The following OXR1 variants were observed in gnomAD, a reference collection of about 807,000 sequenced individuals.
OXR1 encodes the protein oxidation resistance 1.
In OXR1, 41 loss-of-function variants were observed where a neutral mutation model predicts 104.6. The observed-to-expected ratio is 0.39, with a 90% CI of 0.31 to 0.51. The LOEUF (loss-of-function observed/expected upper bound fraction) is 0.51, where lower values mean the gene tolerates loss of function less well. Among genes scored for constraint, OXR1 ranks in the 20% least tolerant of loss-of-function variants. OXR1 has a pLI of 0.77. For missense variants in OXR1, 955 were observed against 1,031.9 expected, an observed-to-expected ratio of 0.93 and a Z score of 1.02; for synonymous variants, 348 against 348.4, an observed-to-expected ratio of 1.00 and a Z score of 0.01.
chr8:106,412,760 T>A (rs1180751874), intron 2 of OXR1, among the ~76,000 whole-genome samples: 1 of 152,162 alleles, frequency 6.6e-6, no homozygotes, highest in Non-Finnish European at 1.5e-5. Flanking sequence ...TCTCTTCTGG[T>A]AGTTTTCTAT....
intron 3 of OXR1, among the ~76,000 whole-genome samples, chr8:106,618,444 A>G (rs912247371): frequency 6.6e-6 from 1 of 152,206 alleles, no homozygotes; most frequent in Non-Finnish European, 1.5e-5. Flanking sequence ...ATGTGTGTAA[A>G]TTATTTCTCT....
At chr8:106,579,298 A>T (rs1200861935) in intron 3 of OXR1, among the ~76,000 whole-genome samples, 1 of 152,030 alleles carries the variant, frequency 6.6e-6, no homozygotes, top group Non-Finnish European at 1.5e-5. Context: ...TGACATTCGA[A>T]ACTCCTGATC....
chr8:106,475,735 A>G (rs1821768247), intron 2 of OXR1, among the ~76,000 whole-genome samples: 1 of 151,952 alleles, frequency 6.6e-6, no homozygotes, highest in African/African-American at 2.4e-5. Context: ...GTTTTCTGGC[A>G]TTGCTTTTCT....
At chr8:106,640,027 G>A (rs1423137776) in intron 3 of OXR1, among the ~76,000 whole-genome samples, 1 of 152,144 alleles carries the variant, frequency 6.6e-6, no homozygotes, top group Non-Finnish European at 1.5e-5. Context: ...CCAAGATGGT[G>A]AATGTCTTAC....
intron 15 of OXR1, among the ~76,000 whole-genome samples, chr8:106,743,109 C>G (rs1473374583): frequency 6.6e-6 from 1 of 151,956 alleles, no homozygotes; most frequent in Non-Finnish European, 1.5e-5. Flanking sequence ...AAAAAAACAC[C>G]ATTGAAAAGT....
intron 6 of OXR1, among the ~76,000 whole-genome samples, chr8:106,691,283 C>G (rs944370799): frequency 6.6e-6 from 1 of 151,852 alleles, no homozygotes; most frequent in Non-Finnish European, 1.5e-5. Flanking sequence ...AAATGAGCTG[C>G]AAAACCACCT....
chr8:106,421,436 C>T (rs898881121), intron 2 of OXR1, among the ~76,000 whole-genome samples: 3 of 152,064 alleles, frequency 2.0e-5, no homozygotes, highest in African/African-American at 4.8e-5. Context: ...GGTTGGCTGC[C>T]GGTTTTCTGG....
At chr8:106,350,686 G>C (rs1815686610) in intron 1 of OXR1, among the ~76,000 whole-genome samples, 1 of 152,154 alleles carries the variant, frequency 6.6e-6, no homozygotes, top group African/African-American at 2.4e-5. Flanking sequence ...GTATTTTCAG[G>C]ATAGGTATCA....
At chr8:106,741,952 T>C (rs1834958236) in intron 14 of OXR1, among the ~76,000 whole-genome samples, 1 of 152,196 alleles carries the variant, frequency 6.6e-6, no homozygotes. Context: ...AACCACTTTT[T>C]AAGATTGTCT....
intron 1 of OXR1, among the ~76,000 whole-genome samples, chr8:106,354,078 G>T (rs1334443875): frequency 6.6e-6 from 1 of 151,164 alleles, no homozygotes; most frequent in Non-Finnish European, 1.5e-5. Flanking sequence ...TTTCTTTTGA[G>T]AAATGTCCAT....
At chr8:106,714,058 A>G in intron 11 of OXR1, 73 bp downstream of exon 11, 3 of 1,143,456 alleles carry the variant, frequency 2.6e-6, no homozygotes, top group South Asian at 1.5e-5. Context: ...GGTAGTACAA[A>G]GTATAAGTGA....
At position 106,653,083 on chromosome 8, in the gene OXR1, A is replaced by ATATATAT. The variant is rs1554611973; in HGVS notation, c.221-26127_221-26126insTATATAT. ...ACAAGGAGAAATAGAAAAAAAAAAA[A>ATATATAT]ATATATATATATATATGGTAAATGA... On this transcript the variant is annotated intron_variant, in intron 3 of 16. Coordinates refer to ENST00000517566, the MANE Select transcript of OXR1 (RefSeq NM_001198533.2). 1.2e-3 allele frequency among the ~76,000 whole-genome samples: 158 copies of ATATATAT among 137,150 alleles called. 1 individual carries two copies. Among genetic ancestry groups the ATATATAT allele is most frequent in the East Asian group, 7.3e-3 (34 of 4,670 alleles). 90.0% of individuals were successfully genotyped at this position (137,150 alleles called of 152,430 possible).
chr8:106,615,001 G>A (rs1821100906), intron 3 of OXR1, among the ~76,000 whole-genome samples: 1 of 152,172 alleles, frequency 6.6e-6, no homozygotes, highest in Non-Finnish European at 1.5e-5. Flanking sequence ...GTGTGTATGA[G>A]TTTTATTGTT....
chr8:106,426,486 A>G (rs1046889735), intron 2 of OXR1, among the ~76,000 whole-genome samples: 3 of 152,148 alleles, frequency 2.0e-5, no homozygotes, highest in Non-Finnish European at 4.4e-5. Context: ...GAAAAGCTTC[A>G]GTGTGGTCTT....
chr8:106,432,084 G>C (rs1354677311), intron 2 of OXR1, among the ~76,000 whole-genome samples: 1 of 151,976 alleles, frequency 6.6e-6, no homozygotes, highest in African/African-American at 2.4e-5. Flanking sequence ...ACTTGGCTCT[G>C]CCTTCAAAAT....
chr8:106,295,564 C>A (rs1303835623), intron 1 of OXR1, among the ~76,000 whole-genome samples: 1 of 151,758 alleles, frequency 6.6e-6, no homozygotes, highest in African/African-American at 2.4e-5. Flanking sequence ...ATTTTTTTCT[C>A]TTATTTGCTT....
In OXR1 at chr8:106,471,960, A is replaced by G. The variant is rs569356258; in HGVS notation, c.24-46983A>G. Among the ~76,000 whole-genome samples, 92 of 151,986 alleles carry G rather than the reference A, an allele frequency of 6.1e-4. 1 individual carries two copies. The highest frequency in any genetic ancestry group is 2.1e-3 in the African/African-American group (87 of 41,508). On this transcript the variant is annotated intron_variant, in intron 2 of 16. Transcript: ENST00000517566. ...TATTGAAATCTGGAAATTGTTATCG[A>G]TGAAATACTGTTAATTAATTTACCA... is the stretch of plus-strand genomic sequence containing the variant.
chr8:106,607,465 C>T (rs969612558), intron 3 of OXR1, among the ~76,000 whole-genome samples: 1 of 152,206 alleles, frequency 6.6e-6, no homozygotes, highest in Non-Finnish European at 1.5e-5. Context: ...GCCTTCCTCA[C>T]TGTATTATCC....
chr8:106,581,277 T>A, intron 3 of OXR1: 1 of 1,276,140 alleles, frequency 7.8e-7, no homozygotes, highest in Non-Finnish European at 1.0e-6. Context: ...CATGCCTTTC[T>A]ATTTTTTTTT....
Sources: allele counts gnomAD v4.1 joint callset (sites outside exome capture counted in the v4.1 genomes callset), GRCh38; gene constraint gnomAD v4.1.1; transcripts MANE v1.5; gene names NCBI Gene and HGNC (gene_info 2026-07-23, HGNC 2026-07-21).